CRYL1: variants seen among roughly 807,000 people sequenced by gnomAD.
CRYL1 encodes the protein lambda-crystallin homolog.
A neutral mutation model predicts 36.6 loss-of-function variants in CRYL1; 29 were observed. That is an observed-to-expected ratio of 0.79 (90% CI 0.59 to 1.08). The LOEUF (loss-of-function observed/expected upper bound fraction) is 1.08, where lower values mean the gene tolerates loss of function less well. Ranked by LOEUF, CRYL1 falls within the 50% of genes least tolerant of loss-of-function variation. CRYL1 has a pLI of 0.00. For synonymous variants in CRYL1, 152 were observed against 151.5 expected (o/e 1.00, Z -0.02); for missense variants, 411 against 407.9 (o/e 1.01, Z -0.06).
chr13:20,471,784 C>T (rs2033066333), intron 3 of CRYL1, among the ~76,000 whole-genome samples: 1 of 151,764 alleles, frequency 6.6e-6, no homozygotes, highest in Non-Finnish European at 1.5e-5. Context: ...GCTCAGGTCC[C>T]TGATTTTTTT....
intron 3 of CRYL1, among the ~76,000 whole-genome samples, chr13:20,457,403 G>A (rs2032714823): frequency 6.6e-6 from 1 of 152,072 alleles, no homozygotes; most frequent in Non-Finnish European, 1.5e-5. Context: ...AAACTCACTG[G>A]CTAAAAATAA....
intron 5 of CRYL1, chr13:20,419,043 G>A (rs151183136): frequency 1.5e-3 from 227 of 152,214 alleles, no homozygotes; most frequent in Non-Finnish European, 2.3e-3. Context: ...CCAGGGCAGC[G>A]GCCAAGAAGA....
chr13:20,427,215 A>G, intron 5 of CRYL1: 1 of 985,482 alleles, frequency 1.0e-6, no homozygotes, highest in Non-Finnish European at 1.2e-6. Context: ...CGCCTCCGGC[A>G]GGGGAAGTAA....
chr13:20,446,069 A>G (rs924548265), intron 3 of CRYL1, among the ~76,000 whole-genome samples: 3 of 152,210 alleles, frequency 2.0e-5, no homozygotes, highest in African/African-American at 7.2e-5. Flanking sequence ...TACTTATTTT[A>G]AAACCCAAAA....
intron 6 of CRYL1, among the ~76,000 whole-genome samples, chr13:20,409,326 T>G (rs953474076): frequency 2.6e-5 from 4 of 151,532 alleles, no homozygotes; most frequent in African/African-American, 9.7e-5. Context: ...GATCCCTTCC[T>G]TACACCTTAT....
intron 3 of CRYL1, among the ~76,000 whole-genome samples, chr13:20,448,048 A>T (rs575967081): frequency 4.5e-4 from 69 of 152,348 alleles, no homozygotes; most frequent in African/African-American, 1.5e-3. Flanking sequence ...TAAAATAGCT[A>T]TGATTAATAT....
chr13:20,468,145 G>A (rs921071125), intron 3 of CRYL1, among the ~76,000 whole-genome samples: 18 of 152,064 alleles, frequency 1.2e-4, no homozygotes, highest in African/African-American at 3.6e-4. Flanking sequence ...GAGAACTGCC[G>A]CCTTAACAGA....
At chr13:20,477,719 A>T (rs548818371) in intron 3 of CRYL1, among the ~76,000 whole-genome samples, 420 of 146,566 alleles carry the variant, frequency 2.9e-3, no homozygotes, top group Non-Finnish European at 3.1e-3. Flanking sequence ...AATAAATTTT[A>T]AAAAATTATT....
intron 5 of CRYL1, chr13:20,427,113 T>C: frequency 6.1e-6 from 6 of 985,492 alleles, no homozygotes; most frequent in Non-Finnish European, 7.2e-6. Flanking sequence ...AAGTCTATTG[T>C]CACAACACAA....
At chr13:20,442,780 T>G (rs1207028177) in intron 3 of CRYL1, among the ~76,000 whole-genome samples, 1 of 152,252 alleles carries the variant, frequency 6.6e-6, no homozygotes, top group African/African-American at 2.4e-5. Flanking sequence ...TTTGTTTGTT[T>G]GGGTTTTGTT....
At chr13:20,512,612 A>T in intron 1 of CRYL1, 62 bp from the exon 2 acceptor site, 2 of 1,238,908 alleles carry the variant, frequency 1.6e-6, no homozygotes, top group Non-Finnish European at 1.2e-6. Context: ...TTTCATTCCT[A>T]ACCCAGAATG....
At chr13:20,410,709 G>A (rs2031497736) in intron 6 of CRYL1, among the ~76,000 whole-genome samples, 2 of 152,160 alleles carry the variant, frequency 1.3e-5, no homozygotes, top group Admixed American at 6.5e-5. Context: ...CATATATTAA[G>A]GACTTAACAG....
intron 6 of CRYL1, among the ~76,000 whole-genome samples, chr13:20,411,706 G>T (rs1022819465): frequency 6.6e-6 from 1 of 152,124 alleles, no homozygotes. Flanking sequence ...TTGTTTCACT[G>T]CATGAGGCCA....
In CRYL1 at chr13:20,404,666, A is replaced by G. The variant is rs367679286; in HGVS notation, c.815T>C (p.Phe272Ser). ...VLQTFGPIPE[F>S]SRATAEKVNQ... ...AACCTTCTCAGCAGTGGCCCTGGAA[A>G]ACTCTGGAATGGGTCCAAAAGTCTG... Residue 272 changes from phenylalanine (F) to serine (S), a missense_variant, in exon 7 of 8, where the codon TTT becomes TCT. Transcript: ENST00000298248. 2 of 1,613,778 alleles carry G rather than the reference A, an allele frequency of 1.2e-6. No individual in the cohort carries two copies. The highest frequency in any genetic ancestry group is 2.7e-5 in the African/African-American group (2 of 74,920).
rs34898995 is a variant in CRYL1, at chr13:20,478,921, ATT to A, written c.276+10447_276+10448del. 1.3e-3 allele frequency among the ~76,000 whole-genome samples: 191 copies of A among 145,678 alleles called. 1 individual carries two copies. Among genetic ancestry groups the A allele is most frequent in the East Asian group, 5.7e-3 (28 of 4,948 alleles). The stretch of plus-strand genomic sequence containing the variant: ...GCATGCGCCACACCAAGCCCAGCTA[ATT>A]TTTTTTTTTTTTTGTATTTTAGTAG... On this transcript the variant is annotated intron_variant, in intron 3 of 7. Coordinates refer to ENST00000298248, the MANE Select transcript of CRYL1 (RefSeq NM_015974.3).
chr13:20,505,359 C>CAAAAAAAAA (rs61380702), intron 2 of CRYL1, among the ~76,000 whole-genome samples: 7 of 91,214 alleles, frequency 7.7e-5, no homozygotes, highest in South Asian at 4.7e-4. Flanking sequence ...TCTATCCCAC[C>CAAAAAAAAA]AAAAAAAAAA....
At chr13:20,515,628 G>A (rs1014172925) in intron 1 of CRYL1, 14 of 152,010 alleles carry the variant, frequency 9.2e-5, no homozygotes, top group South Asian at 2.1e-4. Context: ...AAAAAGAAAC[G>A]ACACATGCCA....
Position 20,498,558 on chromosome 13 carries a change from C to G in CRYL1, c.150-9062G>C, listed in dbSNP as rs1164799850. Among the ~76,000 whole-genome samples the G allele has an allele frequency of 3.9e-5, 6 of 152,164 alleles. No homozygotes were observed. The East Asian group carries it at 1.2e-3, about 29-fold the overall frequency. On this transcript the variant is annotated intron_variant, in intron 2 of 7. Coordinates refer to ENST00000298248, the MANE Select transcript of CRYL1 (RefSeq NM_015974.3). ...AAAAGGTTATAAAGTTTATGGAAAT[C>G]TCACCTTATGGTCAAACTGATTAGA...
At chr13:20,433,344 T>G (rs2032117964) in intron 4 of CRYL1, among the ~76,000 whole-genome samples, 1 of 152,242 alleles carries the variant, frequency 6.6e-6, no homozygotes, top group South Asian at 2.1e-4. Flanking sequence ...CTGACTGGCC[T>G]GAGCACTGAG....
Sources: allele counts gnomAD v4.1 joint callset (sites outside exome capture counted in the v4.1 genomes callset), GRCh38; gene constraint gnomAD v4.1.1; transcripts MANE v1.5; gene names NCBI Gene and HGNC (gene_info 2026-07-23, HGNC 2026-07-21).